The following MYH7B variants were observed in gnomAD, a reference collection of about 807,000 sequenced individuals.
MYH7B encodes the protein myosin-7B.
Under a neutral mutation model 234.5 loss-of-function variants are expected in MYH7B, and 205 were observed. That is an observed-to-expected ratio of 0.87 (90% confidence interval 0.78 to 0.98). MYH7B has a LOEUF of 0.98. Among genes scored for constraint, MYH7B ranks in the 50% least tolerant of loss-of-function variants. The pLI is 0.00. For missense variants in MYH7B, 2,652 were observed against 2,633.4 expected (o/e 1.01, Z -0.15); for synonymous variants, 1,193 against 1,105.0 (o/e 1.08, Z -1.58).
chr20:34,993,371 A>G, exon 26 of MYH7B: 1 of 1,613,858 alleles, frequency 6.2e-7, no homozygotes, highest in South Asian at 1.1e-5. Context: ...GTCCTGGAAG[A>G]GCTCCGTGAC....
In MYH7B at chr20:34,988,157, GCA is replaced by G. The variant is rs1182141677; in HGVS notation, c.1485_1486del (p.Met496ValfsTer23). 1.2e-6 allele frequency: 2 copies of G among 1,614,184 alleles called. No homozygotes were observed. The highest frequency in any genetic ancestry group is 1.7e-6 in the Non-Finnish European group (2 of 1,180,034). The stretch of plus-strand genomic sequence containing the variant: ...AGAAATTGCAGCAGTTCTTCAACCA[GCA>G]CATGTTTGTGCTGGAGCAGGAGGAG... On this transcript the variant is annotated frameshift_variant, in exon 19 of 45. Transcript: ENST00000262873. LOFTEE classifies it high-confidence loss of function.
chr20:35,001,924 C>A (rs2082395463), intron 43 of MYH7B, 24 bp from the exon 44 acceptor site: 6 of 1,606,684 alleles, frequency 3.7e-6, no homozygotes, highest in Non-Finnish European at 5.1e-6. Context: ...CCAAGCGGAA[C>A]CAAGGCCCTG....
At chr20:34,956,320 A>C (rs1416626276) in intron 1 of MYH7B, among the ~76,000 whole-genome samples, 1 of 152,202 alleles carries the variant, frequency 6.6e-6, no homozygotes, top group African/African-American at 2.4e-5. Flanking sequence ...TCATTTTTCC[A>C]GGAATGCTGA....
chr20:34,986,868 TCTGCCCTGTGTCCCCAGACATG>T lies in MYH7B; in HGVS notation c.905-13_913del. 6.2e-7 allele frequency: 1 copy of T among 1,605,684 alleles called. No individual in the cohort carries two copies. The highest frequency in any genetic ancestry group is 8.5e-7 in the Non-Finnish European group (1 of 1,172,504). On this transcript the variant is annotated splice_acceptor_variant and splice_polypyrimidine_tract_variant and coding_sequence_variant and intron_variant, in exon 15 of 45. Transcript: ENST00000262873. LOFTEE classifies it high-confidence loss of function. ...GTAAGCACTGCCTGACCCTCCCTTCTCTGCCCTGTGTCCCCAGACATGCTGCTTCTGTCTATGAACCCCTATG... is the reference window on the plus strand; with the variant it reads ...GTAAGCACTGCCTGACCCTCCCTTCTCTGCTTCTGTCTATGAACCCCTATG...
At chr20:34,986,302 G>A (rs1267504948) in intron 14 of MYH7B, 104 bp downstream of exon 14, 1 of 861,876 alleles carries the variant, frequency 1.2e-6, no homozygotes, top group Non-Finnish European at 1.9e-6. Context: ...TTCCCTCCCT[G>A]TCCTGGGGTC....
rs367695307 is a variant in MYH7B, at chr20:34,999,676, C to T, written c.4646C>T (p.Ala1549Val). ...GAAGGCGAGAAGAGTGAGATCCAGG[C>T]TGCACTGGAGGAGGCAGAGGTCAGG... is the stretch of plus-strand genomic sequence containing the variant. Residue 1549 changes from alanine (A) to valine (V), a missense_variant, in exon 37 of 45, where the codon GCT becomes GTT. Around this residue, in one of 3 missense-constraint regions of MYH7B, gnomAD observed 2,279 missense variants for 2,211.4 expected, o/e 1.03. Coordinates refer to ENST00000262873, the Ensembl canonical transcript of MYH7B. 3 of 1,613,054 alleles carry T rather than the reference C, an allele frequency of 1.9e-6. No homozygotes were observed. The African/African-American group carries it at 4.0e-5, about 22-fold the overall frequency.
intron 36 of MYH7B, 55 bp from the exon 37 acceptor site, chr20:34,999,516 C>T (rs1396976590): frequency 3.9e-6 from 6 of 1,546,354 alleles, no homozygotes; most frequent in South Asian, 1.3e-5. Context: ...AGTGGAGTGA[C>T]CTGGGTGGGA....
exon 29 of MYH7B, chr20:34,996,406 GAGA>G (rs1569057402): frequency 4.3e-6 from 7 of 1,612,922 alleles, no homozygotes; most frequent in Non-Finnish European, 5.1e-6. Context: ...GCTGACCAAG[GAGA>G]AGAAGGCGTT....
At chr20:34,997,424 G>C (rs2082282439) in exon 32 of MYH7B, 1 of 1,474,856 alleles carries the variant, frequency 6.8e-7, no homozygotes, top group African/African-American at 1.5e-5. Flanking sequence ...GGGAGGCGGA[G>C]CTGGGGAGGC....
In MYH7B at chr20:34,996,417, G is replaced by A. The variant is rs760541098; in HGVS notation, c.3015G>A (p.Ala1005=). The A allele has an allele frequency of 2.6e-5, 42 of 1,613,176 alleles. No homozygotes were observed. Among genetic ancestry groups the A allele is most frequent in the African/African-American group, 2.4e-4 (18 of 74,912 alleles). Residue 1005 remains alanine (A), a synonymous_variant, in exon 29 of 45, where the codon GCG becomes GCA. Coordinates refer to ENST00000262873, the Ensembl canonical transcript of MYH7B. ...CCCGGCTGACCAAGGAGAAGAAGGC[G>A]TTGCAGGAGGCCCACCAACAGGCCC...
At chr20:35,001,091 G>A (rs2082368544) in exon 41 of MYH7B, 8 of 1,613,846 alleles carry the variant, frequency 5.0e-6, no homozygotes, top group African/African-American at 1.3e-5. Context: ...CTCCAGGCCC[G>A]CCTTGAGGAG....
At chr20:34,998,892 G>A (rs890688140) in exon 35 of MYH7B, 1 of 1,612,776 alleles carries the variant, frequency 6.2e-7, no homozygotes, top group Admixed American at 1.7e-5. Context: ...CCATCCAGAG[G>A]ACCGAGGAGC....
intron 27 of MYH7B, 62 bp from the exon 28 acceptor site, chr20:34,995,274 G>C: frequency 6.5e-7 from 1 of 1,548,404 alleles, no homozygotes; most frequent in Non-Finnish European, 8.8e-7. Context: ...GCCTGGCCTG[G>C]TGTCTCTCTG....
At chr20:34,995,445 A>T (rs1391789278) in exon 28 of MYH7B, 1 of 1,613,690 alleles carries the variant, frequency 6.2e-7, no homozygotes. Flanking sequence ...GAGGATGAGG[A>T]GGAGGTGAAC....
exon 39 of MYH7B, chr20:35,000,518 G>T: frequency 6.3e-7 from 1 of 1,594,708 alleles, no homozygotes; most frequent in Non-Finnish European, 8.5e-7. Context: ...AGGAGCAGCG[G>T]CTGGCAGCTG....
At chr20:34,984,169 G>A (rs1167024836) in intron 10 of MYH7B, among the ~76,000 whole-genome samples, 1 of 152,232 alleles carries the variant, frequency 6.6e-6, no homozygotes, top group Admixed American at 6.5e-5. Context: ...CAGGGCCTTT[G>A]TGCGCACTGG....
At chr20:34,978,078 C>G in exon 5 of MYH7B, 1 of 1,614,026 alleles carries the variant, frequency 6.2e-7, no homozygotes, top group Non-Finnish European at 8.5e-7. Flanking sequence ...GACGAAGGTG[C>G]ACACTATCCC....
chr20:34,977,575 G>A (rs373208969), intron 3 of MYH7B, 57 bp from the exon 4 acceptor site: 8 of 1,526,758 alleles, frequency 5.2e-6, no homozygotes, highest in Non-Finnish European at 7.1e-6. Flanking sequence ...GGCCAGGCTG[G>A]GGGGGCTGTG....
chr20:34,995,975 G>A (rs1286839189), intron 28 of MYH7B, among the ~76,000 whole-genome samples: 1 of 152,208 alleles, frequency 6.6e-6, no homozygotes, highest in Admixed American at 6.5e-5. Flanking sequence ...GCTGGAGGAG[G>A]GACTCCATTA....
Sources: allele counts gnomAD v4.1 joint callset (sites outside exome capture counted in the v4.1 genomes callset), GRCh38; gene constraint gnomAD v4.1.1; regional missense constraint gnomAD v4.1.1; transcripts MANE v1.5; gene names NCBI Gene and HGNC (gene_info 2026-07-23, HGNC 2026-07-21).